RNF212B: variants seen among roughly 807,000 people sequenced by gnomAD.
The protein encoded by RNF212B is ring finger protein 212B.
Under a neutral mutation model 55.5 loss-of-function variants are expected in RNF212B, and 52 were observed. The ratio of observed to expected loss-of-function variants is 0.94; its 90% CI spans 0.75 to 1.18. RNF212B has a LOEUF of 1.18. Ranked by LOEUF, RNF212B falls within the 50% of genes most tolerant of loss-of-function variation. The probability of loss-of-function intolerance (pLI) is 0.00; values close to 1 mark genes in which losing one functional copy is unlikely to be tolerated. For missense variants in RNF212B, 289 were observed against 350.4 expected, an observed-to-expected ratio of 0.82 and a Z score of 1.40; for synonymous variants, 99 against 121.4, an observed-to-expected ratio of 0.82 and a Z score of 1.21.
chr14:23,225,648 G>A (rs781674147), intron 2 of RNF212B, among the ~76,000 whole-genome samples: 2 of 152,020 alleles, frequency 1.3e-5, no homozygotes, highest in Non-Finnish European at 2.9e-5. Flanking sequence ...GGTTATTAGA[G>A]GCGGGGAAGG....
At chr14:23,206,302 T>C (rs1316037025) in intron 2 of RNF212B, among the ~76,000 whole-genome samples, 1 of 152,230 alleles carries the variant, frequency 6.6e-6, no homozygotes, top group Non-Finnish European at 1.5e-5. Flanking sequence ...CTTGAACTCC[T>C]GACCTCTTGA....
At chr14:23,252,137 G>C (rs538042107) in intron 4 of RNF212B, among the ~76,000 whole-genome samples, 7 of 152,074 alleles carry the variant, frequency 4.6e-5, no homozygotes, top group Admixed American at 4.6e-4. Flanking sequence ...TCTAAACAGT[G>C]TTTGGTTCCC....
At chr14:23,253,977 C>T (rs1884599772) in intron 4 of RNF212B, among the ~76,000 whole-genome samples, 1 of 152,138 alleles carries the variant, frequency 6.6e-6, no homozygotes, top group South Asian at 2.1e-4. Flanking sequence ...CAAATGCTGA[C>T]ATTTAAAAAT....
At chr14:23,229,220 TTATATA>T (rs61656270) in intron 2 of RNF212B, among the ~76,000 whole-genome samples, 2,015 of 64,870 alleles carry the variant, frequency 0.031, 72 homozygotes, top group African/African-American at 0.083. Flanking sequence ...GAATAATATT[TTATATA>T]TATATATATA....
chr14:23,253,285 T>C (rs1389053700), intron 4 of RNF212B, among the ~76,000 whole-genome samples: 5 of 152,212 alleles, frequency 3.3e-5, no homozygotes, highest in Admixed American at 1.3e-4. Flanking sequence ...ACATTTTGAA[T>C]TGAGTTTCAA....
At position 23,269,867 on chromosome 14, in the gene RNF212B, T is replaced by G. The variant is rs1566443686; in HGVS notation, c.679T>G (p.Ser227Ala). The change falls in exon 13 of 15, where the codon TCA (serine) becomes GCA (alanine). Residue 227 changes from serine (S) to alanine (A), a missense_variant. Ser to Ala is a moderately conservative substitution (Grantham distance 99). Coordinates refer to ENST00000430154, the MANE Select transcript of RNF212B (RefSeq NM_001282322.3). ...GCTTTTATTTGCTTTCCTTAGAACT[T>G]CATCTGCCTCCTCTGGACAGGGGAT... ...ASTHSLSYRTSSASSGQGIFS... is the reference protein window; with the variant it reads ...ASTHSLSYRTASASSGQGIFS... The G allele has an allele frequency of 6.5e-7, 1 of 1,536,656 alleles. No individual in the cohort carries two copies. Among genetic ancestry groups the G allele is most frequent in the African/African-American group, 1.4e-5 (1 of 72,706 alleles).
intron 2 of RNF212B, among the ~76,000 whole-genome samples, chr14:23,218,290 C>T (rs371010647): frequency 3.5e-4 from 53 of 152,086 alleles, no homozygotes; most frequent in Middle Eastern, 6.8e-3. Flanking sequence ...ATTGCTTGAA[C>T]CTGGGAGGTG....
intron 2 of RNF212B, among the ~76,000 whole-genome samples, chr14:23,196,085 A>G (rs780533856): frequency 3.9e-5 from 6 of 152,242 alleles, no homozygotes; most frequent in South Asian, 2.1e-4. Flanking sequence ...CACATCCTCA[A>G]TTGCTGCTGT....
chr14:23,267,714 G>A (rs2140486698), intron 11 of RNF212B, among the ~76,000 whole-genome samples: 1 of 152,332 alleles, frequency 6.6e-6, no homozygotes, highest in East Asian at 1.9e-4. Flanking sequence ...ACAGGCATGA[G>A]CCACTGTGCC....
intron 2 of RNF212B, among the ~76,000 whole-genome samples, chr14:23,227,859 G>GAC (rs2140415017): frequency 6.6e-6 from 1 of 151,866 alleles, no homozygotes; most frequent in African/African-American, 2.4e-5. Context: ...TCAGCCCCCC[G>GAC]AAGTGCTGGG....
upstream of RNF212B, among the ~76,000 whole-genome samples, chr14:23,235,789 G>A (rs1209391164): frequency 1.3e-5 from 2 of 152,204 alleles, no homozygotes; most frequent in Admixed American, 6.5e-5. Context: ...GAAATGACCA[G>A]TTTGGTCTAA....
At chr14:23,240,206 C>A in intron 1 of RNF212B, 139 bp from the exon 2 acceptor site, 1 of 598,592 alleles carries the variant, frequency 1.7e-6, no homozygotes, top group Non-Finnish European at 3.0e-6. Context: ...TCTTTACAAC[C>A]AATTGGAATA....
At chr14:23,233,621 A>G (rs1882888512), upstream of RNF212B, among the ~76,000 whole-genome samples, 1 of 148,574 alleles carries the variant, frequency 6.7e-6, no homozygotes, top group South Asian at 2.1e-4. Context: ...GCATGCTTGT[A>G]GTCCCAGCCA....
At position 23,223,657 on chromosome 14, in the gene RNF212B, G is replaced by A. The variant is rs537289665; in HGVS notation, c.-1-16688G>A. On this transcript the variant is annotated intron_variant, in intron 2 of 15. Transcript: ENST00000399910. The stretch of plus-strand genomic sequence containing the variant: ...GGCGTGAGCCACCGCGCCCGGCCAA[G>A]CCTTTCTTTTCAGATCTGGAATGTG... 3.1e-3 allele frequency among the ~76,000 whole-genome samples: 470 copies of A among 152,248 alleles called. 2 individuals are homozygous for A. The highest frequency in any genetic ancestry group is 0.011 in the African/African-American group (441 of 41,570).
chr14:23,264,637 G>T lies in RNF212B; in HGVS notation c.600G>T (p.Leu200=). The T allele has an allele frequency of 7.5e-7, 1 of 1,338,534 alleles. No homozygotes were observed. The highest frequency in any genetic ancestry group is 9.6e-7 in the Non-Finnish European group (1 of 1,037,336). The allele number at this position is 1,338,534 out of a possible 1,614,324, so 82.9% of individuals were successfully genotyped here. Residue 200 remains leucine, a synonymous_variant, in exon 11 of 15, where the codon CTG becomes CTT. Coordinates refer to ENST00000430154, the MANE Select transcript of RNF212B (RefSeq NM_001282322.3). The part of the protein sequence containing the change: ...FGSLGQGGRG[L]QGRRTPRDSY... ...TTGTCTATCAGGGAGGCAGAGGTCTGCAGGGAAGGAGAACTCCCAGAGACT... is the reference window on the plus strand; with the variant it reads ...TTGTCTATCAGGGAGGCAGAGGTCTTCAGGGAAGGAGAACTCCCAGAGACT...
chr14:23,223,064 A>AG lies in RNF212B; in HGVS notation c.-1-17281_-1-17280insG, dbSNP rs1234906232. 1.8e-4 allele frequency among the ~76,000 whole-genome samples: 28 copies of AG among 151,828 alleles called. No homozygotes were observed. The East Asian group carries it at 5.4e-3, about 29-fold the overall frequency. On this transcript the variant is annotated intron_variant, in intron 2 of 15. Transcript: ENST00000399910. ...AGTGAAACTCCGTCTCAAAAAAAAA[A>AG]AAAAAAAGGAAAAGAAAAGATTGTT...
At chr14:23,231,349 G>A (rs997600114) in intron 2 of RNF212B, among the ~76,000 whole-genome samples, 1 of 152,008 alleles carries the variant, frequency 6.6e-6, no homozygotes, top group Admixed American at 6.6e-5. Flanking sequence ...TTTGACAAAG[G>A]CAATTTAGTT....
Position 23,205,071 on chromosome 14 carries a change from C to A in RNF212B, c.-2+11670C>A, listed in dbSNP as rs115951747. Among the ~76,000 whole-genome samples the A allele has an allele frequency of 8.4e-3, 1,281 of 152,204 alleles. 16 individuals are homozygous for A. The highest frequency in any genetic ancestry group is 0.029 in the African/African-American group (1,214 of 41,512). On this transcript the variant is annotated intron_variant, in intron 2 of 15. Transcript: ENST00000399910. Reference sequence around the variant, plus strand: ...TTTCTGGTTTGTCCTGAACATCCCTCCTTCTTAATCAACCAGTCATTTTTA... The same window carrying A: ...TTTCTGGTTTGTCCTGAACATCCCTACTTCTTAATCAACCAGTCATTTTTA...
chr14:23,245,044 A>T (rs1256204048), intron 4 of RNF212B, among the ~76,000 whole-genome samples: 1 of 151,650 alleles, frequency 6.6e-6, no homozygotes. Context: ...TTTTCCTTCT[A>T]CTCCCCATTT....
Sources: allele counts gnomAD v4.1 joint callset (sites outside exome capture counted in the v4.1 genomes callset), GRCh38; gene constraint gnomAD v4.1.1; transcripts MANE v1.5; gene names NCBI Gene and HGNC (gene_info 2026-07-23, HGNC 2026-07-21).